LRRC37A2: variants seen among roughly 807,000 people sequenced by gnomAD.
The protein encoded by LRRC37A2 is leucine rich repeat containing 37 member A2, also known as leucine-rich repeat-containing protein 37A2.
LRRC37A2 carries 9 observed loss-of-function variants against 68.8 expected under a neutral mutation model. That is an observed-to-expected ratio of 0.13 (90% CI 0.08 to 0.23). The LOEUF (loss-of-function observed/expected upper bound fraction) is 0.23. Ranked by LOEUF, LRRC37A2 falls within the 10% of genes least tolerant of loss-of-function variation. The pLI is 1.00. For synonymous variants in LRRC37A2, 63 were observed against 367.6 expected (o/e 0.17, Z 9.48); for missense variants, 168 against 950.4 (o/e 0.18, Z 10.82).
the LRRC37A2 span, among the ~76,000 whole-genome samples, chr17:46,938,398 C>T: frequency 2.0e-5 from 3 of 152,122 alleles, no homozygotes; most frequent in African/African-American, 7.2e-5. Context: ...TTTCTTTCCA[C>T]TTAGCGTTGC....
the LRRC37A2 span, among the ~76,000 whole-genome samples, chr17:47,029,000 G>A: frequency 8.5e-5 from 13 of 152,170 alleles, no homozygotes; most frequent in East Asian, 1.9e-4. Context: ...CCAACATGGC[G>A]AAACCTCATC....
the LRRC37A2 span, among the ~76,000 whole-genome samples, chr17:46,489,447 G>C: frequency 1.0e-5 from 1 of 96,970 alleles, no homozygotes; most frequent in South Asian, 4.5e-4. Flanking sequence ...TCCCTAGTCT[G>C]TGCTTATGTG....
At chr17:46,977,670 C>T in the LRRC37A2 span, among the ~76,000 whole-genome samples, 15,185 of 152,286 alleles carry the variant, frequency 0.1, 838 homozygotes, top group African/African-American at 0.11. Flanking sequence ...AAGCCGCCAA[C>T]CCCCACCCCT....
the LRRC37A2 span, among the ~76,000 whole-genome samples, chr17:46,741,233 G>T: frequency 6.6e-6 from 1 of 152,162 alleles, no homozygotes; most frequent in Non-Finnish European, 1.5e-5. Context: ...GAGGGGGTTT[G>T]GGGGAATGAG....
At chr17:46,989,000 G>A in the LRRC37A2 span, among the ~76,000 whole-genome samples, 276 of 152,324 alleles carry the variant, frequency 1.8e-3, 1 homozygote, top group African/African-American at 4.9e-3. Context: ...CACTGTGGAC[G>A]CAGGTCAACA....
chr17:46,947,472 C>A, the LRRC37A2 span, among the ~76,000 whole-genome samples: 1 of 152,184 alleles, frequency 6.6e-6, no homozygotes, highest in Non-Finnish European at 1.5e-5. Flanking sequence ...TGCTGAGATA[C>A]TGATGAGAGC....
chr17:46,794,614 A>G, the LRRC37A2 span, among the ~76,000 whole-genome samples: 2 of 151,998 alleles, frequency 1.3e-5, no homozygotes, highest in African/African-American at 4.8e-5. Flanking sequence ...ACCTTAACCC[A>G]TTCTCACACC....
chr17:46,776,989 G>A, the LRRC37A2 span, among the ~76,000 whole-genome samples: 1 of 152,134 alleles, frequency 6.6e-6, no homozygotes, highest in Non-Finnish European at 1.5e-5. Flanking sequence ...GCTGAGCCCT[G>A]GTCCAGCAGC....
At chr17:46,923,422 G>A in the LRRC37A2 span, 1 of 1,436,008 alleles carries the variant, frequency 7.0e-7, no homozygotes. Flanking sequence ...GCTGGGGCCT[G>A]GAGACGTGGG....
At chr17:46,931,953 G>A in the LRRC37A2 span, 1 of 860,376 alleles carries the variant, frequency 1.2e-6, no homozygotes, top group East Asian at 2.4e-5. Context: ...TATAGTGTGG[G>A]GTGGTGTAGG....
the LRRC37A2 span, among the ~76,000 whole-genome samples, chr17:46,799,596 C>T: frequency 1.6e-3 from 243 of 151,992 alleles, 1 homozygote; most frequent in African/African-American, 3.4e-3. Flanking sequence ...TACAGGTGTG[C>T]GCCACCATGC....
the LRRC37A2 span, among the ~76,000 whole-genome samples, chr17:46,976,159 C>T: frequency 0.17 from 25,326 of 151,588 alleles, 2,393 homozygotes; most frequent in East Asian, 0.23. Flanking sequence ...ATCTCCTGAT[C>T]TCGTGATCTG....
At chr17:46,569,004 G>A in the LRRC37A2 span, among the ~76,000 whole-genome samples, 3 of 122,100 alleles carry the variant, frequency 2.5e-5, no homozygotes, top group African/African-American at 6.6e-5. Flanking sequence ...GTGCAATGGC[G>A]CAATCTCGGC....
the LRRC37A2 span, among the ~76,000 whole-genome samples, chr17:46,873,719 T>C: frequency 2.0e-5 from 3 of 150,380 alleles, no homozygotes; most frequent in African/African-American, 7.5e-5. Flanking sequence ...ATTTAAACAC[T>C]GCAGTTGGCC....
chr17:46,961,038 A>G, the LRRC37A2 span, among the ~76,000 whole-genome samples: 1 of 152,180 alleles, frequency 6.6e-6, no homozygotes, highest in African/African-American at 2.4e-5. Flanking sequence ...GTTTAAAAAA[A>G]ACAAGGTGGG....
At chr17:46,717,399 G>T in the LRRC37A2 span, among the ~76,000 whole-genome samples, 71 of 152,130 alleles carry the variant, frequency 4.7e-4, no homozygotes, top group African/African-American at 1.7e-3. Context: ...GTGTTGGACA[G>T]CACAATAAAT....
chr17:46,829,576 G>A, the LRRC37A2 span, among the ~76,000 whole-genome samples: 351 of 152,292 alleles, frequency 2.3e-3, 1 homozygote, highest in African/African-American at 7.7e-3. Context: ...GGCTCCCTGA[G>A]TGTGTTTCGG....
the LRRC37A2 span, among the ~76,000 whole-genome samples, chr17:46,409,835 CATA>C: frequency 1.9e-5 from 2 of 107,158 alleles, no homozygotes; most frequent in African/African-American, 6.4e-5. Flanking sequence ...CAAATTACAA[CATA>C]ATTTGCTAGG....
At chr17:47,041,448 GTCTCT>G in the LRRC37A2 span, among the ~76,000 whole-genome samples, 2 of 67,092 alleles carry the variant, frequency 3.0e-5, no homozygotes, top group African/African-American at 1.2e-4. Flanking sequence ...ATTTTTGGAT[GTCTCT>G]TTTTTTTTTT....
Sources: allele counts gnomAD v4.1 joint callset (sites outside exome capture counted in the v4.1 genomes callset), GRCh38; gene constraint gnomAD v4.1.1; transcripts MANE v1.5; gene names NCBI Gene and HGNC (gene_info 2026-07-23, HGNC 2026-07-21).